ZC3H3: variants seen among roughly 807,000 people sequenced by gnomAD.
ZC3H3 encodes zinc finger CCCH domain-containing protein 3.
ZC3H3 carries 36 observed loss-of-function variants against 77.3 expected under a neutral mutation model. The observed-to-expected ratio is 0.47, with a 90% CI of 0.36 to 0.61. The LOEUF is 0.61. Among genes scored for constraint, ZC3H3 ranks in the 20% least tolerant of loss-of-function variants. The probability of loss-of-function intolerance (pLI) is 0.00; values close to 1 mark genes in which losing one functional copy is unlikely to be tolerated. For missense variants in ZC3H3, 1,331 were observed against 1,312.2 expected (o/e 1.01, Z -0.22); for synonymous variants, 626 against 555.2 (o/e 1.13, Z -1.79).
intron 3 of ZC3H3, among the ~76,000 whole-genome samples, chr8:143,527,080 AC>A (rs986463544): frequency 2.4e-4 from 36 of 152,258 alleles, no homozygotes; most frequent in African/African-American, 8.4e-4. Context: ...CCCACCCGCC[AC>A]CCGAGCACTT....
chr8:143,481,944 C>CAGCT (rs1820919199), intron 4 of ZC3H3, among the ~76,000 whole-genome samples: 1 of 152,384 alleles, frequency 6.6e-6, no homozygotes, highest in South Asian at 2.1e-4. Flanking sequence ...GGCACTGAGC[C>CAGCT]AGCTGGGTCT....
chr8:143,445,280 T>C (rs895542695), intron 9 of ZC3H3, among the ~76,000 whole-genome samples: 2 of 151,536 alleles, frequency 1.3e-5, no homozygotes, highest in Admixed American at 6.6e-5. Flanking sequence ...ACTCAGGAGA[T>C]TGAGGCAGGA....
At chr8:143,464,297 T>A (rs1465210215) in intron 9 of ZC3H3, among the ~76,000 whole-genome samples, 5 of 152,260 alleles carry the variant, frequency 3.3e-5, no homozygotes, top group Admixed American at 3.3e-4. Context: ...CATTTTACAA[T>A]AATCAGCCAT....
intron 3 of ZC3H3, among the ~76,000 whole-genome samples, chr8:143,528,836 A>AG (rs879279929): frequency 3.9e-4 from 59 of 152,154 alleles, no homozygotes; most frequent in Middle Eastern, 3.4e-3. Flanking sequence ...GTCCTCTGGG[A>AG]GGGGGGGCGC....
At chr8:143,540,664 C>T (rs1053736617) in intron 1 of ZC3H3, among the ~76,000 whole-genome samples, 1 of 149,810 alleles carries the variant, frequency 6.7e-6, no homozygotes, top group African/African-American at 2.4e-5. Context: ...GCATCAAAAC[C>T]GGGCGTCGAG....
chr8:143,439,865 C>T (rs543999926), intron 11 of ZC3H3, among the ~76,000 whole-genome samples, 176 bp downstream of exon 11: 4 of 115,882 alleles, frequency 3.5e-5, no homozygotes, highest in East Asian at 2.2e-4. Context: ...TGAGCCAGGC[C>T]ATGCTGCCTA....
intron 3 of ZC3H3, among the ~76,000 whole-genome samples, chr8:143,519,834 C>G (rs572402871): frequency 6.6e-6 from 1 of 152,184 alleles, no homozygotes; most frequent in Non-Finnish European, 1.5e-5. Flanking sequence ...CTGCAGGGGA[C>G]GCAGGACACC....
rs1328282444 is a variant in ZC3H3, at chr8:143,494,210, A to G, written c.1715+13536T>C. The stretch of plus-strand genomic sequence containing the variant: ...ACCCACACCCCACACAGAGGCCCAG[A>G]GCGCCCTGGACCCAGCTTCAACAGA... On this transcript the variant is annotated intron_variant, in intron 4 of 11. Transcript: ENST00000262577. This position sits in a 1 kb window ranked among gnomAD's most constrained non-coding sequence, Gnocchi z 5.3. 6.6e-6 allele frequency among the ~76,000 whole-genome samples: 1 copy of G among 152,184 alleles called. No individual in the cohort carries two copies. The highest frequency in any genetic ancestry group is 1.5e-5 in the Non-Finnish European group (1 of 68,012).
chr8:143,467,463 G>T (rs73715605), intron 8 of ZC3H3, among the ~76,000 whole-genome samples: 1 of 152,144 alleles, frequency 6.6e-6, no homozygotes, highest in Non-Finnish European at 1.5e-5. Context: ...ACAGAGTTCC[G>T]AAGCTCTATT....
At chr8:143,540,528 A>G (rs1822976139) in intron 1 of ZC3H3, among the ~76,000 whole-genome samples, 1 of 152,200 alleles carries the variant, frequency 6.6e-6, no homozygotes, top group Non-Finnish European at 1.5e-5. Flanking sequence ...CTGCGTCCGA[A>G]CATGGATTTT....
intron 9 of ZC3H3, among the ~76,000 whole-genome samples, chr8:143,441,994 C>T (rs577394734): frequency 2.0e-5 from 3 of 152,300 alleles, no homozygotes; most frequent in East Asian, 1.9e-4. Flanking sequence ...AAATCTGTCA[C>T]GGCACTAGAG....
At position 143,475,406 on chromosome 8, in the gene ZC3H3, A is replaced by AG; in HGVS notation, c.1894dup (p.Leu632ProfsTer13). On this transcript the variant is annotated frameshift_variant, in exon 5 of 12. Coordinates refer to ENST00000262577, the MANE Select transcript of ZC3H3 (RefSeq NM_015117.3). LOFTEE classifies it high-confidence loss of function. Reference sequence around the variant, plus strand: ...CCGCCCTCACCTCTCACCTGTGCGCAGGAGGGGCCTGCTGCCCGCATCACT... The same window carrying AG: ...CCGCCCTCACCTCTCACCTGTGCGCAGGGAGGGGCCTGCTGCCCGCATCACT... The AG allele has an allele frequency of 6.2e-7, 1 of 1,612,526 alleles. No homozygotes were observed. Among genetic ancestry groups the AG allele is most frequent in the Non-Finnish European group, 8.5e-7 (1 of 1,179,698 alleles).
At chr8:143,509,472 T>C (rs928618860) in intron 3 of ZC3H3, among the ~76,000 whole-genome samples, 1 of 152,156 alleles carries the variant, frequency 6.6e-6, no homozygotes, top group Non-Finnish European at 1.5e-5. Flanking sequence ...GGGCACCCAC[T>C]GGAGCACTGC....
At chr8:143,478,027 C>T (rs1217661585) in intron 4 of ZC3H3, among the ~76,000 whole-genome samples, 1 of 152,116 alleles carries the variant, frequency 6.6e-6, no homozygotes, top group African/African-American at 2.4e-5. Context: ...GGGAAGCACC[C>T]AATCCTGCAT....
chr8:143,503,865 G>C (rs1821607983), intron 4 of ZC3H3, among the ~76,000 whole-genome samples: 1 of 152,168 alleles, frequency 6.6e-6, no homozygotes, highest in Non-Finnish European at 1.5e-5. Flanking sequence ...ACAGGGAGGA[G>C]AGGCCCCAGC....
At position 143,539,129 on chromosome 8, in the gene ZC3H3, G is replaced by A; in HGVS notation, c.238C>T (p.Pro80Ser). The change falls in exon 2 of 12, where the codon CCC (proline) becomes TCC (serine). Residue 80 changes from proline to serine, a missense_variant. Transcript: ENST00000262577. Reference protein sequence around the residue: ...WRKKYSLVNRPPGPSDPPADH... With the variant: ...WRKKYSLVNRSPGPSDPPADH... ...GCAGGAGGGTCTGAGGGTCCCGGGG[G>A]CCGATTCACGAGGGAGTATTTCTTG... 6 of 1,613,000 alleles carry A rather than the reference G, an allele frequency of 3.7e-6. No individual in the cohort carries two copies. Among genetic ancestry groups the A allele is most frequent in the Non-Finnish European group, 5.1e-6 (6 of 1,180,020 alleles).
At chr8:143,479,013 G>A (rs60861229) in intron 4 of ZC3H3, among the ~76,000 whole-genome samples, 19,219 of 152,238 alleles carry the variant, frequency 0.13, 1,507 homozygotes, top group Middle Eastern at 0.23. Context: ...GCCCCCCACT[G>A]CCCACCATAG....
In ZC3H3 at chr8:143,494,632, G is replaced by T. The variant is rs906841914; in HGVS notation, c.1715+13114C>A. On this transcript the variant is annotated intron_variant, in intron 4 of 11. Coordinates refer to ENST00000262577, the MANE Select transcript of ZC3H3 (RefSeq NM_015117.3). The surrounding 1 kb of genome is among the most constrained non-coding windows in gnomAD (Gnocchi z 5.3). ...GGAGGGAAGCGGCAGGTCGGGGGAG[G>T]GGGGTGCTGTGGGCAGACACACGAG... Among the ~76,000 whole-genome samples the T allele has an allele frequency of 1.3e-5, 2 of 152,164 alleles. No individual in the cohort carries two copies. The highest frequency in any genetic ancestry group is 2.9e-5 in the Non-Finnish European group (2 of 68,028).
intron 4 of ZC3H3, among the ~76,000 whole-genome samples, chr8:143,502,261 G>A (rs1052486064): frequency 6.6e-6 from 1 of 152,252 alleles, no homozygotes; most frequent in Non-Finnish European, 1.5e-5. Context: ...CGAAGACAGT[G>A]CCCAAACCAG....
Sources: allele counts gnomAD v4.1 joint callset (sites outside exome capture counted in the v4.1 genomes callset), GRCh38; gene constraint gnomAD v4.1.1; non-coding constraint Gnocchi (gnomAD v3.1); transcripts MANE v1.5; gene names NCBI Gene and HGNC (gene_info 2026-07-23, HGNC 2026-07-21).